The following ARHGAP22 variants were observed in gnomAD, a reference collection of about 807,000 sequenced individuals.
The protein encoded by ARHGAP22 is Rho GTPase activating protein 22.
ARHGAP22 carries 48 observed loss-of-function variants against 59.1 expected under a neutral mutation model. That is an observed-to-expected ratio of 0.81 (90% CI 0.64 to 1.03). ARHGAP22 has a LOEUF of 1.03. Among genes scored for constraint, ARHGAP22 ranks in the 50% least tolerant of loss-of-function variants. The probability of loss-of-function intolerance (pLI) is 0.00; values close to 1 mark genes in which losing one functional copy is unlikely to be tolerated. For synonymous variants in ARHGAP22, 445 were observed against 416.4 expected, an observed-to-expected ratio of 1.07 and a Z score of -0.84; for missense variants, 1,015 against 958.7, an observed-to-expected ratio of 1.06 and a Z score of -0.78.
chr10:48,539,519 C>T (rs1431782799), intron 3 of ARHGAP22, among the ~76,000 whole-genome samples: 1 of 151,708 alleles, frequency 6.6e-6, no homozygotes, highest in Non-Finnish European at 1.5e-5. Context: ...TCTCGATCTC[C>T]TGACCTCGTG....
At chr10:48,524,826 G>T (rs1238972305) in intron 3 of ARHGAP22, among the ~76,000 whole-genome samples, 1 of 152,162 alleles carries the variant, frequency 6.6e-6, no homozygotes, top group Non-Finnish European at 1.5e-5. Flanking sequence ...TGAGGAAAAT[G>T]ATACCGGTTC....
At chr10:48,646,847 A>AAT (rs1205803131) in intron 1 of ARHGAP22, among the ~76,000 whole-genome samples, 1 of 152,240 alleles carries the variant, frequency 6.6e-6, no homozygotes, top group African/African-American at 2.4e-5. Flanking sequence ...ATACCATATC[A>AAT]AAAGCATGAT....
intron 1 of ARHGAP22, among the ~76,000 whole-genome samples, chr10:48,592,524 C>G (rs1319293587): frequency 6.6e-6 from 1 of 152,264 alleles, no homozygotes; most frequent in East Asian, 1.9e-4. Flanking sequence ...TATACTCCCC[C>G]GCTTCTCCCC....
intron 1 of ARHGAP22, among the ~76,000 whole-genome samples, chr10:48,635,583 AG>A (rs2061784021): frequency 6.6e-6 from 1 of 152,212 alleles, no homozygotes; most frequent in African/African-American, 2.4e-5. Context: ...CAAGGGAGAA[AG>A]GGGGCCGGGT....
At chr10:48,602,994 G>C (rs138030297) in intron 1 of ARHGAP22, among the ~76,000 whole-genome samples, 1 of 152,320 alleles carries the variant, frequency 6.6e-6, no homozygotes, top group African/African-American at 2.4e-5. Context: ...GCGCACATGT[G>C]AATGTGGGAG....
chr10:48,437,071 TTAAG>T, the ARHGAP22 span: 7 of 152,228 alleles, frequency 4.6e-5, no homozygotes, highest in Admixed American at 2.0e-4. Context: ...CAGATTTTGG[TTAAG>T]TAAGGAAAAC....
chr10:48,529,251 G>A (rs900016635), intron 3 of ARHGAP22, among the ~76,000 whole-genome samples: 1 of 152,182 alleles, frequency 6.6e-6, no homozygotes, highest in Non-Finnish European at 1.5e-5. Flanking sequence ...GATGTGGGCC[G>A]AACACAGGTT....
intron 3 of ARHGAP22, among the ~76,000 whole-genome samples, chr10:48,500,890 CAAA>C (rs60056604): frequency 0.13 from 11,296 of 86,548 alleles, 1,426 homozygotes; most frequent in African/African-American, 0.34. Flanking sequence ...GACTCCGCCT[CAAA>C]AAAAAAAAAA....
intron 3 of ARHGAP22, among the ~76,000 whole-genome samples, chr10:48,494,075 A>G (rs1362515220): frequency 6.6e-6 from 1 of 152,242 alleles, no homozygotes; most frequent in Non-Finnish European, 1.5e-5. Flanking sequence ...ACTGTGGTGA[A>G]GATGGAATGA....
chr10:48,548,093 CTT>C (rs893208129), intron 3 of ARHGAP22, among the ~76,000 whole-genome samples: 10 of 152,182 alleles, frequency 6.6e-5, no homozygotes, highest in Non-Finnish European at 1.5e-4. Context: ...GATACTGAGA[CTT>C]TGGGCTTTCG....
intron 3 of ARHGAP22, among the ~76,000 whole-genome samples, chr10:48,537,730 A>T (rs1249326770): frequency 6.6e-6 from 1 of 152,138 alleles, no homozygotes; most frequent in African/African-American, 2.4e-5. Flanking sequence ...TGTTCTTCCC[A>T]CCTGACCGCA....
chr10:48,655,112 C>CTATTCTCTTCTCTTCTCTTT (rs1554968198), upstream of ARHGAP22, among the ~76,000 whole-genome samples: 1 of 34,152 alleles, frequency 2.9e-5, no homozygotes, highest in African/African-American at 1.1e-4. Flanking sequence ...CTCTTCTCTT[C>CTATTCTCTTCTCTTCTCTTT]TCTTTCCTCT....
intron 1 of ARHGAP22, among the ~76,000 whole-genome samples, chr10:48,614,459 A>G (rs967283688): frequency 1.3e-5 from 2 of 152,240 alleles, no homozygotes; most frequent in African/African-American, 4.8e-5. Context: ...CCCTTATGAA[A>G]AAAGCCCCAT....
intron 3 of ARHGAP22, among the ~76,000 whole-genome samples, chr10:48,517,140 A>G (rs2053364128): frequency 6.6e-6 from 1 of 152,214 alleles, no homozygotes. Flanking sequence ...CGGGGTGATG[A>G]CAATGTTCTA....
At chr10:48,530,619 A>G (rs1204627432) in intron 3 of ARHGAP22, among the ~76,000 whole-genome samples, 1 of 152,220 alleles carries the variant, frequency 6.6e-6, no homozygotes, top group Non-Finnish European at 1.5e-5. Flanking sequence ...GACACGAACA[A>G]ACAATTCTCA....
chr10:48,533,295 A>G, intron 3 of ARHGAP22, among the ~76,000 whole-genome samples: 1 of 151,684 alleles, frequency 6.6e-6, no homozygotes, highest in African/African-American at 2.4e-5. Context: ...TCTAGATCCC[A>G]TAAGGACTGG....
At chr10:48,627,149 C>T (rs540768381) in intron 1 of ARHGAP22, among the ~76,000 whole-genome samples, 1 of 152,214 alleles carries the variant, frequency 6.6e-6, no homozygotes, top group Non-Finnish European at 1.5e-5. Flanking sequence ...CCTGGCCCTA[C>T]GCATTTCCTG....
At chr10:48,614,053 C>T (rs541450314) in intron 1 of ARHGAP22, among the ~76,000 whole-genome samples, 33 of 152,320 alleles carry the variant, frequency 2.2e-4, no homozygotes, top group African/African-American at 6.0e-4. Context: ...TTGGGCTTCC[C>T]ATCCTCCAGA....
chr10:48,502,355 A>G (rs1390120209), intron 3 of ARHGAP22, among the ~76,000 whole-genome samples: 5 of 152,160 alleles, frequency 3.3e-5, no homozygotes, highest in Non-Finnish European at 5.9e-5. Context: ...ACAGCTGGGG[A>G]ATGCCCAGGC....
Sources: gnomAD v4.1 joint callset for allele counts (sites outside exome capture counted in the v4.1 genomes callset) on GRCh38, gnomAD v4.1.1 for gene constraint, MANE v1.5 for transcripts, NCBI Gene and HGNC (gene_info 2026-07-23, HGNC 2026-07-21) for gene names.